The following SEMA6D variants were observed in gnomAD, a reference collection of about 807,000 sequenced individuals.
SEMA6D encodes the protein semaphorin-6D.
A neutral mutation model predicts 106.6 loss-of-function variants in SEMA6D; 35 were observed. That is an observed-to-expected ratio of 0.33 (90% CI 0.25 to 0.44). The LOEUF (loss-of-function observed/expected upper bound fraction) is 0.44. Ranked by LOEUF, SEMA6D falls within the 20% of genes least tolerant of loss-of-function variation. The probability of loss-of-function intolerance (pLI) is 1.00; values close to 1 mark genes in which losing one functional copy is unlikely to be tolerated. For missense variants in SEMA6D, 1,185 were observed against 1,345.9 expected (o/e 0.88, Z 1.87); for synonymous variants, 499 against 487.7 (o/e 1.02, Z -0.31).
intron 4 of SEMA6D, among the ~76,000 whole-genome samples, chr15:47,710,599 C>T (rs1325028914): frequency 2.0e-5 from 3 of 152,086 alleles, no homozygotes; most frequent in Non-Finnish European, 4.4e-5. Flanking sequence ...CACACACAAA[C>T]ACACACACAG....
chr15:47,770,840 G>A lies in SEMA6D; in HGVS notation c.2277G>A (p.Met759Ile). Residue 759 changes from methionine (M) to isoleucine (I), a missense_variant, in exon 19 of 19, where the codon ATG becomes ATA. Physicochemically the swap from Met to Ile is conservative, Grantham distance 10. Transcript: ENST00000536845. ...PPNGDTKSMV[M>I]DHRGQPPELA... ...ATGGAGATACTAAATCCATGGTAAT[G>A]GACCATCGAGGGCAACCTCCAGAGT... The A allele has an allele frequency of 6.2e-7, 1 of 1,613,998 alleles. No individual in the cohort carries two copies. Among genetic ancestry groups the A allele is most frequent in the Middle Eastern group, 1.6e-4 (1 of 6,062 alleles).
intron 4 of SEMA6D, among the ~76,000 whole-genome samples, chr15:47,630,076 T>C (rs2077267276): frequency 6.6e-6 from 1 of 151,940 alleles, no homozygotes; most frequent in East Asian, 1.9e-4. Flanking sequence ...AGCAGTGGGA[T>C]TGTGGGACCA....
chr15:47,732,333 A>G (rs1051972926), intron 1 of SEMA6D, among the ~76,000 whole-genome samples: 19 of 152,148 alleles, frequency 1.2e-4, no homozygotes, highest in Admixed American at 5.9e-4. Flanking sequence ...GCCATTCTCA[A>G]CCTGTTAACC....
chr15:47,493,219 G>T, intron 3 of SEMA6D, among the ~76,000 whole-genome samples: 1 of 152,122 alleles, frequency 6.6e-6, no homozygotes, highest in East Asian at 1.9e-4. Context: ...ATAAGGCACA[G>T]GTGAACAACA....
intron 2 of SEMA6D, among the ~76,000 whole-genome samples, chr15:47,466,200 C>G (rs978305002): frequency 6.6e-6 from 1 of 152,072 alleles, no homozygotes; most frequent in South Asian, 2.1e-4. Context: ...ATGCAAATGA[C>G]AAGGATGCAA....
chr15:47,315,864 G>A (rs1019753596), intron 1 of SEMA6D, among the ~76,000 whole-genome samples: 1 of 151,854 alleles, frequency 6.6e-6, no homozygotes, highest in African/African-American at 2.4e-5. Flanking sequence ...AAATAGTATT[G>A]CATTTTTAAT....
At chr15:47,515,832 T>A (rs1275914795) in intron 3 of SEMA6D, among the ~76,000 whole-genome samples, 2 of 152,214 alleles carry the variant, frequency 1.3e-5, no homozygotes, top group Non-Finnish European at 2.9e-5. Flanking sequence ...GACATTTTAA[T>A]ATATTTTGAC....
intron 1 of SEMA6D, among the ~76,000 whole-genome samples, chr15:47,194,383 G>T (rs1374386372): frequency 6.6e-6 from 1 of 152,050 alleles, no homozygotes; most frequent in Non-Finnish European, 1.5e-5. Context: ...GAGTGGGGAG[G>T]TAAGTGGACT....
chr15:47,761,896 A>G, intron 7 of SEMA6D, 145 bp downstream of exon 7: 1 of 730,694 alleles, frequency 1.4e-6, no homozygotes, highest in Admixed American at 3.2e-5. Context: ...CAAATTTCCA[A>G]AAAAAGAAGA....
chr15:47,512,624 C>G (rs981202048), intron 3 of SEMA6D, among the ~76,000 whole-genome samples: 7 of 152,284 alleles, frequency 4.6e-5, no homozygotes, highest in Non-Finnish European at 1.0e-4. Context: ...TGAGACTATT[C>G]TTAAAAGGCC....
intron 1 of SEMA6D, among the ~76,000 whole-genome samples, chr15:47,397,019 C>T (rs1488080781): frequency 6.6e-6 from 1 of 152,154 alleles, no homozygotes; most frequent in Non-Finnish European, 1.5e-5. Flanking sequence ...GACCACAGAA[C>T]ATTACAACAA....
Position 47,535,883 on chromosome 15 carries a change from A to G in SEMA6D, c.-86-64982A>G, listed in dbSNP as rs114959294. Among the ~76,000 whole-genome samples, 580 of 152,264 alleles carry G rather than the reference A, an allele frequency of 3.8e-3. 4 individuals are homozygous for G. The highest frequency in any genetic ancestry group is 0.013 in the African/African-American group (561 of 41,570). On this transcript the variant is annotated intron_variant, in intron 3 of 19. Transcript: ENST00000558014. ...ATCTTCAGGTAAGTGAAAGCAGCAC[A>G]CTGGAAGATGTTAAGATAATTGGGG...
chr15:47,770,467 T>C (rs754859736), intron 18 of SEMA6D, 30 bp from the exon 19 acceptor site: 1 of 1,523,950 alleles, frequency 6.6e-7, no homozygotes, highest in Non-Finnish European at 8.9e-7. Context: ...AAAAGCACCT[T>C]ATTCACATTG....
intron 1 of SEMA6D, among the ~76,000 whole-genome samples, chr15:47,349,463 G>A (rs1313973865): frequency 6.6e-6 from 1 of 152,114 alleles, no homozygotes; most frequent in African/African-American, 2.4e-5. Context: ...AATTCAGTAT[G>A]CCAAGATGTA....
chr15:47,345,032 T>C (rs1295440707), intron 1 of SEMA6D, among the ~76,000 whole-genome samples: 1 of 152,134 alleles, frequency 6.6e-6, no homozygotes, highest in Non-Finnish European at 1.5e-5. Context: ...AGATTTCAGT[T>C]GGCTGATAAA....
At chr15:47,652,994 G>C (rs2077722057) in intron 4 of SEMA6D, among the ~76,000 whole-genome samples, 1 of 152,194 alleles carries the variant, frequency 6.6e-6, no homozygotes, top group Non-Finnish European at 1.5e-5. Flanking sequence ...CCTCGTACCT[G>C]AGCTTATGGT....
At chr15:47,577,580 G>A (rs992136705) in intron 3 of SEMA6D, among the ~76,000 whole-genome samples, 3 of 152,228 alleles carry the variant, frequency 2.0e-5, no homozygotes, top group Admixed American at 6.5e-5. Flanking sequence ...TCCCTCCCTC[G>A]AGGGACTGAA....
At chr15:47,277,422 C>T (rs1051820083) in intron 1 of SEMA6D, among the ~76,000 whole-genome samples, 1 of 151,894 alleles carries the variant, frequency 6.6e-6, no homozygotes, top group Non-Finnish European at 1.5e-5. Context: ...GGCACAGCCA[C>T]CCTGGCCTTT....
At chr15:47,292,936 T>G (rs924861843) in intron 1 of SEMA6D, among the ~76,000 whole-genome samples, 2 of 152,220 alleles carry the variant, frequency 1.3e-5, no homozygotes, top group African/African-American at 2.4e-5. Context: ...CTCTGACTTG[T>G]TCGCCTGGCT....
Sources: gnomAD v4.1 joint callset for allele counts (sites outside exome capture counted in the v4.1 genomes callset) on GRCh38, gnomAD v4.1.1 for gene constraint, MANE v1.5 for transcripts, NCBI Gene and HGNC (gene_info 2026-07-23, HGNC 2026-07-21) for gene names.